The following PUS1 variants were observed in gnomAD, a reference collection of about 807,000 sequenced individuals.
The protein encoded by PUS1 is pseudouridine synthase 1, also known as pseudouridylate synthase 1 homolog.
A neutral mutation model predicts 38.5 loss-of-function variants in PUS1; 25 were observed. The ratio of observed to expected loss-of-function variants is 0.65; its 90% CI spans 0.47 to 0.91. The LOEUF (loss-of-function observed/expected upper bound fraction) is 0.91. Among genes scored for constraint, PUS1 ranks in the 40% least tolerant of loss-of-function variants. The pLI, the probability that PUS1 is intolerant of heterozygous loss-of-function variation, is 0.00. For synonymous variants in PUS1, 282 were observed against 260.4 expected (o/e 1.08, Z -0.80); for missense variants, 597 against 612.3 (o/e 0.97, Z 0.26).
chr12:131,936,061 A>G (rs1425788720), intron 3 of PUS1, among the ~76,000 whole-genome samples: 1 of 151,362 alleles, frequency 6.6e-6, no homozygotes, highest in African/African-American at 2.4e-5. Flanking sequence ...AGATACAAAA[A>G]TTAGCCGGGT....
intron 4 of PUS1, among the ~76,000 whole-genome samples, chr12:131,939,942 C>G (rs1336881367): frequency 1.3e-5 from 2 of 152,014 alleles, no homozygotes; most frequent in Non-Finnish European, 2.9e-5. Context: ...TGTGGCTGGG[C>G]GTGAATCTGT....
intron 5 of PUS1, 68 bp from the exon 6 acceptor site, chr12:131,943,471 C>G: frequency 7.4e-7 from 1 of 1,353,280 alleles, no homozygotes; most frequent in Non-Finnish European, 1.1e-6. Flanking sequence ...GTCATGGGCC[C>G]CTGTGGGCAT....
intron 4 of PUS1, among the ~76,000 whole-genome samples, chr12:131,939,636 A>G (rs1327205002): frequency 1.3e-5 from 2 of 152,196 alleles, no homozygotes; most frequent in East Asian, 3.8e-4. Context: ...GGCAACTTAC[A>G]TAATACATTC....
chr12:131,939,247 C>T lies in PUS1; in HGVS notation c.516C>T (p.Ser172=). The T allele has an allele frequency of 6.4e-7, 1 of 1,558,950 alleles. No individual in the cohort carries two copies. Among genetic ancestry groups the T allele is most frequent in the Non-Finnish European group, 8.7e-7 (1 of 1,149,956 alleles). Residue 172 remains serine (S), a synonymous_variant, in exon 4 of 6, where the codon AGC becomes AGT. Coordinates refer to ENST00000376649, the MANE Select transcript of PUS1 (RefSeq NM_025215.6). ...LIDDILEKIN[S]HLPSHIRILG... ...ACGACATTCTAGAAAAGATCAACAG[C>T]CACCTTCCCTCTCACATTCGGATTC...
chr12:131,939,382 G>C (rs140201887), intron 4 of PUS1, 107 bp downstream of exon 4: 1 of 783,626 alleles, frequency 1.3e-6, no homozygotes, highest in Admixed American at 2.0e-5. Flanking sequence ...ATGCAGAAGC[G>C]TAGTCAGAGT....
In PUS1 at chr12:131,930,492, G is replaced by A. The variant is rs113596841; in HGVS notation, c.303+357G>A. Among the ~76,000 whole-genome samples the A allele has an allele frequency of 5.4e-3, 830 of 152,344 alleles. 11 individuals are homozygous for A. The highest frequency in any genetic ancestry group is 0.019 in the African/African-American group (780 of 41,576). On this transcript the variant is annotated intron_variant, in intron 2 of 5. Transcript: ENST00000376649. ...GTGCTGAGAACAGTGGACAGCTCGG[G>A]GCAGCTCAGAAGAGCCTGCTGTCGT...
In PUS1 at chr12:131,941,713, G is replaced by A. The variant is rs746905159; in HGVS notation, c.966G>A (p.Lys322=). 1.3e-5 allele frequency: 21 copies of A among 1,614,092 alleles called. No homozygotes were observed. The Admixed American group carries it at 3.2e-4, about 24-fold the overall frequency. ...TGGAGCGCAGCTGGGGCACAGAGAAGGTGGACGTGCCCAAGGCGCCCGGAC... is the reference window on the plus strand; with the variant it reads ...TGGAGCGCAGCTGGGGCACAGAGAAAGTGGACGTGCCCAAGGCGCCCGGAC... ...SVLERSWGTE[K]VDVPKAPGLG... The change falls in exon 5 of 6, where the codon AAG becomes AAA. Residue 322 remains lysine, a synonymous_variant. Coordinates refer to ENST00000376649, the MANE Select transcript of PUS1 (RefSeq NM_025215.6). The surrounding 1 kb of genome is among the most constrained non-coding windows in gnomAD (Gnocchi z 4.4).
At chr12:131,937,994 T>A (rs1890904209) in intron 3 of PUS1, among the ~76,000 whole-genome samples, 1 of 152,194 alleles carries the variant, frequency 6.6e-6, no homozygotes, top group Non-Finnish European at 1.5e-5. Context: ...TCATCTAACA[T>A]GTCCAAAGTA....
At chr12:131,939,139 C>A in intron 3 of PUS1, 34 bp from the exon 4 acceptor site, 2 of 1,434,328 alleles carry the variant, frequency 1.4e-6, no homozygotes, top group Non-Finnish European at 1.9e-6. Context: ...CCCAAGGGAC[C>A]CACCTTCCGT....
In PUS1 at chr12:131,930,026, C is replaced by T. The variant is rs2136429314; in HGVS notation, c.194C>T (p.Pro65Leu). 2.0e-6 allele frequency: 3 copies of T among 1,472,490 alleles called. No individual in the cohort carries two copies. Among genetic ancestry groups the T allele is most frequent in the South Asian group, 1.4e-5 (1 of 71,346 alleles). The allele number at this position is 1,472,490 out of a possible 1,614,324, so 91.2% of individuals were successfully genotyped here. The change falls in exon 2 of 6, where the codon CCG becomes CTG. Residue 65 changes from proline (P) to leucine (L), a missense_variant. Physicochemically the swap from Pro to Leu is moderately conservative, Grantham distance 98 (BLOSUM62 -3). Coordinates refer to ENST00000376649, the MANE Select transcript of PUS1 (RefSeq NM_025215.6). Reference protein sequence around the residue: ...GDRVWEDGEHPAKKLKSGGDE... With the variant: ...GDRVWEDGEHLAKKLKSGGDE... ...CGCGTCTGGGAGGACGGAGAACATC[C>T]GGCGAAGAAGCTCAAGAGCGGTGGC...
intron 3 of PUS1, among the ~76,000 whole-genome samples, chr12:131,935,895 T>A (rs9788197): frequency 6.6e-6 from 1 of 152,172 alleles, no homozygotes; most frequent in Non-Finnish European, 1.5e-5. Flanking sequence ...TTTCAGATTT[T>A]AAAAATAGCT....
At chr12:131,933,199 T>C (rs1677677133) in intron 3 of PUS1, among the ~76,000 whole-genome samples, 1 of 150,698 alleles carries the variant, frequency 6.6e-6, no homozygotes, top group African/African-American at 2.4e-5. Flanking sequence ...GGCTAAATTT[T>C]TTTTTTTTTT....
chr12:131,930,066 C>T lies in PUS1; in HGVS notation c.234C>T (p.Arg78=), dbSNP rs1427527337. 7.0e-7 allele frequency: 1 copy of T among 1,437,036 alleles called. No homozygotes were observed. The highest frequency in any genetic ancestry group is 2.8e-5 in the Admixed American group (1 of 36,326). 89.0% of individuals were successfully genotyped at this position (1,437,036 alleles called of 1,614,324 possible). A position where few individuals can be genotyped will look rare whatever the true frequency, so the allele number is the denominator to read the frequency against. Residue 78 remains arginine, a synonymous_variant, in exon 2 of 6, where the codon CGC becomes CGT. Coordinates refer to ENST00000376649, the MANE Select transcript of PUS1 (RefSeq NM_025215.6). ...AGAGCGGTGGCGACGAGGAGCGGCGCGAGAAGCCGCCCAAGCGGAAGATCG... is the reference window on the plus strand; with the variant it reads ...AGAGCGGTGGCGACGAGGAGCGGCGTGAGAAGCCGCCCAAGCGGAAGATCG... The part of the protein sequence containing the change: ...KLKSGGDEER[R]EKPPKRKIVL...
At chr12:131,939,440 G>T (rs1272347570) in intron 4 of PUS1, among the ~76,000 whole-genome samples, 165 bp downstream of exon 4, 1 of 152,206 alleles carries the variant, frequency 6.6e-6, no homozygotes, top group Non-Finnish European at 1.5e-5. Context: ...CACTAGACAG[G>T]AGTAGAAAGC....
rs1043292337 is a variant in PUS1, at chr12:131,944,612, G to A, written c.*1026G>A. The A allele has an allele frequency of 7.9e-5, 12 of 152,582 alleles. No individual in the cohort carries two copies. Among genetic ancestry groups the A allele is most frequent in the African/African-American group, 1.4e-4 (6 of 41,462 alleles). The allele number at this position is 152,582 out of a possible 1,614,324, so 9.5% of individuals were successfully genotyped here. ...GAAGCAGGGGCCCCGCTGACCTGCC[G>A]CATCCCCGAGAGGGGTGGCAGCCAC... On this transcript the variant is annotated 3_prime_UTR_variant, in exon 6 of 6. Transcript: ENST00000376649.
chr12:131,934,291 G>A (rs974029491), intron 3 of PUS1, among the ~76,000 whole-genome samples: 1 of 152,194 alleles, frequency 6.6e-6, no homozygotes, highest in Non-Finnish European at 1.5e-5. Context: ...GGAGCAGAGT[G>A]TTCTCTGACT....
chr12:131,943,189 A>T (rs1214994921), intron 5 of PUS1, among the ~76,000 whole-genome samples: 1 of 152,246 alleles, frequency 6.6e-6, no homozygotes, highest in Non-Finnish European at 1.5e-5. Context: ...CCTGGGCCAG[A>T]CTGGACTGCT....
In PUS1 at chr12:131,941,171, C is replaced by G; in HGVS notation, c.545-121C>G. On this transcript the variant is annotated intron_variant, in intron 4 of 5. Transcript: ENST00000376649. This position sits in a 1 kb window ranked among gnomAD's most constrained non-coding sequence, Gnocchi z 4.4. ...CCCTCCCCAGAGAAGCCGATGCTTG[C>G]TGGAGCTTGGTCGGTGCTCTGGGTA... 1 of 841,528 alleles carries G rather than the reference C, an allele frequency of 1.2e-6. No homozygotes were observed. 52.1% of individuals were successfully genotyped at this position (841,528 alleles called of 1,614,324 possible). A position where few individuals can be genotyped will look rare whatever the true frequency, so the allele number is the denominator to read the frequency against.
chr12:131,943,740 C>T lies in PUS1; in HGVS notation c.*154C>T, dbSNP rs1446567666. On this transcript the variant is annotated 3_prime_UTR_variant, in exon 6 of 6. Transcript: ENST00000376649. ...ACCTCAGGACCTTCCCTTGTAGGAA[C>T]AGCCTTTCTCGAATCTGTTTTCAGC... The T allele has an allele frequency of 3.0e-6, 2 of 676,116 alleles. No individual in the cohort carries two copies. The highest frequency in any genetic ancestry group is 5.4e-6 in the Non-Finnish European group (2 of 369,510). The allele number at this position is 676,116 out of a possible 1,614,324, so 41.9% of individuals were successfully genotyped here. A position where few individuals can be genotyped will look rare whatever the true frequency, so the allele number is the denominator to read the frequency against.
Sources: gnomAD v4.1 joint callset for allele counts (sites outside exome capture counted in the v4.1 genomes callset) on GRCh38, gnomAD v4.1.1 for gene constraint, Gnocchi (gnomAD v3.1) non-coding constraint, MANE v1.5 for transcripts, NCBI Gene and HGNC (gene_info 2026-07-23, HGNC 2026-07-21) for gene names.